The following MTARC1 variants were observed in gnomAD, a reference collection of about 807,000 sequenced individuals.
MTARC1 encodes mitochondrial amidoxime reducing component 1, also known as mitochondrial amidoxime-reducing component 1.
Under a neutral mutation model 33.6 loss-of-function variants are expected in MTARC1, and 24 were observed. That is an observed-to-expected ratio of 0.72 (90% CI 0.52 to 1.01). The LOEUF is 1.01. Among genes scored for constraint, MTARC1 ranks in the 50% least tolerant of loss-of-function variants. The pLI is 0.00. For synonymous variants in MTARC1, 187 were observed against 189.5 expected, an observed-to-expected ratio of 0.99 and a Z score of 0.11; for missense variants, 417 against 445.7, an observed-to-expected ratio of 0.94 and a Z score of 0.58.
intron 1 of MTARC1, among the ~76,000 whole-genome samples, chr1:220,787,671 G>C (rs1672277422): frequency 6.6e-6 from 1 of 152,140 alleles, no homozygotes; most frequent in Non-Finnish European, 1.5e-5. Flanking sequence ...CACCAAGGCG[G>C]AGCTCATAAT....
chr1:220,790,343 A>C (rs971312274), intron 1 of MTARC1, among the ~76,000 whole-genome samples: 6 of 152,178 alleles, frequency 3.9e-5, no homozygotes, highest in Admixed American at 6.5e-5. Context: ...GCCCTTGTTT[A>C]GGAGTTGGTT....
chr1:220,806,723 G>A (rs1672983345), intron 6 of MTARC1, among the ~76,000 whole-genome samples: 1 of 152,212 alleles, frequency 6.6e-6, no homozygotes, highest in African/African-American at 2.4e-5. Flanking sequence ...TGAGCATGAG[G>A]CTGTGGCCTG....
Position 220,786,916 on chromosome 1 carries a change from G to A in MTARC1, c.-29G>A, listed in dbSNP as rs1342238095. ...CGGGCGACCAGCGCGCTCCGGCCTTGCCGCCGCCACCTCGCGGAGAAGCCA... is the reference window on the plus strand; with the variant it reads ...CGGGCGACCAGCGCGCTCCGGCCTTACCGCCGCCACCTCGCGGAGAAGCCA... On this transcript the variant is annotated 5_prime_UTR_variant, in exon 1 of 7. Transcript: ENST00000366910. 2.4e-6 allele frequency: 3 copies of A among 1,228,652 alleles called. No homozygotes were observed. The highest frequency in any genetic ancestry group is 3.0e-6 in the Non-Finnish European group (3 of 987,176). The allele number at this position is 1,228,652 out of a possible 1,614,324, so 76.1% of individuals were successfully genotyped here.
chr1:220,798,877 G>C, intron 4 of MTARC1: 1 of 985,436 alleles, frequency 1.0e-6, no homozygotes, highest in Non-Finnish European at 1.2e-6. Flanking sequence ...TTTATCCTCA[G>C]AGGAGCCAAT....
In MTARC1 at chr1:220,813,956, C is replaced by T. The variant is rs933709663; in HGVS notation, c.*538C>T. ...ATGGCATAAAGACTGAGGTGACCTTCAGGAAGCACTGCAGATATTAATTTT... is the reference window on the plus strand; with the variant it reads ...ATGGCATAAAGACTGAGGTGACCTTTAGGAAGCACTGCAGATATTAATTTT... On this transcript the variant is annotated 3_prime_UTR_variant, in exon 7 of 7. Transcript: ENST00000366910. 6.3e-6 allele frequency: 1 copy of T among 158,014 alleles called. No homozygotes were observed. The highest frequency in any genetic ancestry group is 1.4e-5 in the Non-Finnish European group (1 of 71,318). The allele number at this position is 158,014 out of a possible 1,614,324, so 9.8% of individuals were successfully genotyped here. A position where few individuals can be genotyped will look rare whatever the true frequency, so the allele number is the denominator to read the frequency against.
chr1:220,804,330 G>A (rs914527026), intron 4 of MTARC1, among the ~76,000 whole-genome samples: 3 of 152,100 alleles, frequency 2.0e-5, no homozygotes, highest in Admixed American at 1.3e-4. Context: ...AACACATGAC[G>A]TGCTGCCTTG....
intron 2 of MTARC1, among the ~76,000 whole-genome samples, chr1:220,793,012 G>GA (rs1304310619): frequency 1.3e-5 from 2 of 152,056 alleles, no homozygotes; most frequent in Non-Finnish European, 2.9e-5. Flanking sequence ...TTTTCTTAGG[G>GA]AAAAAATTCT....
intron 4 of MTARC1, chr1:220,799,170 T>A: frequency 2.0e-6 from 2 of 985,240 alleles, no homozygotes. Flanking sequence ...TGGAGGATAA[T>A]AAAAGTACGC....
rs1315390556 is a variant in MTARC1 at position 220,815,658 on chromosome 1, G to A, written c.*2240G>A. 2 of 152,162 alleles carry A rather than the reference G, an allele frequency of 1.3e-5. No individual in the cohort carries two copies. Among genetic ancestry groups the A allele is most frequent in the Non-Finnish European group, 2.9e-5 (2 of 68,044 alleles). 9.4% of individuals were successfully genotyped at this position (152,162 alleles called of 1,614,324 possible). ...GTGTTTATTTTATATTTAATGAGTTGGTTAATGCCAGAGACAAAGCTGATA... is the reference window on the plus strand; with the variant it reads ...GTGTTTATTTTATATTTAATGAGTTAGTTAATGCCAGAGACAAAGCTGATA... On this transcript the variant is annotated 3_prime_UTR_variant, in exon 7 of 7. Transcript: ENST00000366910.
chr1:220,807,136 C>T (rs1027037723), intron 6 of MTARC1, among the ~76,000 whole-genome samples: 9 of 151,656 alleles, frequency 5.9e-5, no homozygotes, highest in African/African-American at 1.9e-4. Context: ...GTAACTTTCA[C>T]CTCAAAAAAA....
In MTARC1 at chr1:220,815,250, G is replaced by A. The variant is rs1673257303; in HGVS notation, c.*1832G>A. 6.6e-6 allele frequency: 1 copy of A among 152,256 alleles called. No individual in the cohort carries two copies. Among genetic ancestry groups the A allele is most frequent in the African/African-American group, 2.4e-5 (1 of 41,458 alleles). The allele number at this position is 152,256 out of a possible 1,614,324, so 9.4% of individuals were successfully genotyped here. A position where few individuals can be genotyped will look rare whatever the true frequency, so the allele number is the denominator to read the frequency against. Reference sequence around the variant, plus strand: ...GGATTTAGGAAACCATGTGAATATGGGCTCTCTGGGAATAGCCAATAGGTA... The same window carrying A: ...GGATTTAGGAAACCATGTGAATATGAGCTCTCTGGGAATAGCCAATAGGTA... On this transcript the variant is annotated 3_prime_UTR_variant, in exon 7 of 7. Transcript: ENST00000366910.
intron 6 of MTARC1, among the ~76,000 whole-genome samples, chr1:220,806,053 G>A (rs1184139922): frequency 6.6e-6 from 1 of 152,166 alleles, no homozygotes; most frequent in Non-Finnish European, 1.5e-5. Context: ...TACTCTTTTG[G>A]TATAGTCATA....
At chr1:220,797,715 T>G (rs1037875000) in intron 3 of MTARC1, 159 bp from the exon 4 acceptor site, 10 of 675,794 alleles carry the variant, frequency 1.5e-5, no homozygotes, top group African/African-American at 7.3e-5. Context: ...TGAAAACTTC[T>G]GAGTCACTGT....
intron 4 of MTARC1, among the ~76,000 whole-genome samples, chr1:220,801,027 A>C (rs1048901311): frequency 6.6e-6 from 1 of 152,086 alleles, no homozygotes; most frequent in African/African-American, 2.4e-5. Context: ...ACATCCATCA[A>C]GGTAACCCTG....
rs1673311643 is a variant in MTARC1 at position 220,817,802 on chromosome 1, C to T, written c.*4384C>T. 1 of 152,326 alleles carries T rather than the reference C, an allele frequency of 6.6e-6. No individual in the cohort carries two copies. The highest frequency in any genetic ancestry group is 6.5e-5 in the Admixed American group (1 of 15,292). The allele number at this position is 152,326 out of a possible 1,614,324, so 9.4% of individuals were successfully genotyped here. On this transcript the variant is annotated 3_prime_UTR_variant, in exon 7 of 7. Transcript: ENST00000366910. ...GTTTCACCATGTTGTTCAGGATGGTCTCGAACTCTTGATCTCGTGATCTGC... is the reference window on the plus strand; with the variant it reads ...GTTTCACCATGTTGTTCAGGATGGTTTCGAACTCTTGATCTCGTGATCTGC...
intron 6 of MTARC1, among the ~76,000 whole-genome samples, chr1:220,811,835 T>C (rs563531617): frequency 5.9e-5 from 9 of 152,308 alleles, no homozygotes; most frequent in Admixed American, 6.5e-5. Context: ...GTTTTACTCA[T>C]GAGCATACTA....
At position 220,818,637 on chromosome 1, in the gene MTARC1, T is replaced by C. The variant is rs1345004811; in HGVS notation, c.*5219T>C. ...CTACCAATCCCTGACCTGGTATTGG[T>C]CAGTCTCCAATCCTGGTGGATCCCT... On this transcript the variant is annotated 3_prime_UTR_variant, in exon 7 of 7. Coordinates refer to ENST00000366910, the MANE Select transcript of MTARC1 (RefSeq NM_022746.4). The C allele has an allele frequency of 6.6e-6, 1 of 152,218 alleles. No individual in the cohort carries two copies. The highest frequency in any genetic ancestry group is 2.4e-5 in the African/African-American group (1 of 41,458). 9.4% of individuals were successfully genotyped at this position (152,218 alleles called of 1,614,324 possible).
chr1:220,816,305 AC>A lies in MTARC1; in HGVS notation c.*2890del, dbSNP rs1196388578. ...TCCAAGAGTGTATCAAATTAAAGCA[AC>A]CCATGATGGTGGAGAACAGATACAT... On this transcript the variant is annotated 3_prime_UTR_variant, in exon 7 of 7. Coordinates refer to ENST00000366910, the MANE Select transcript of MTARC1 (RefSeq NM_022746.4). The A allele has an allele frequency of 6.6e-6, 1 of 152,222 alleles. No individual in the cohort carries two copies. Among genetic ancestry groups the A allele is most frequent in the Non-Finnish European group, 1.5e-5 (1 of 68,050 alleles). 9.4% of individuals were successfully genotyped at this position (152,222 alleles called of 1,614,324 possible).
chr1:220,798,413 T>A, intron 4 of MTARC1: 1 of 1,174,788 alleles, frequency 8.5e-7, no homozygotes, highest in South Asian at 1.7e-5. Context: ...AGACAGGCAT[T>A]TACTGCAAGG....
Sources: allele counts gnomAD v4.1 joint callset (sites outside exome capture counted in the v4.1 genomes callset), GRCh38; gene constraint gnomAD v4.1.1; transcripts MANE v1.5; gene names NCBI Gene and HGNC (gene_info 2026-07-23, HGNC 2026-07-21).